Variants in MTCL2 observed in about 807,000 individuals in gnomAD.
MTCL2 encodes the protein microtubule cross-linking factor 2.
At chr20:36,851,030 C>A in the MTCL2 span, among the ~76,000 whole-genome samples, 34 of 152,068 alleles carry the variant, frequency 2.2e-4, no homozygotes, top group Non-Finnish European at 7.3e-5. Context: ...AGAAAACAGT[C>A]CCGGTGGTTG....
the MTCL2 span, chr20:36,862,805 C>G: frequency 1.4e-6 from 2 of 1,400,520 alleles, no homozygotes; most frequent in Non-Finnish European, 1.9e-6. Context: ...ACGCGGCCAC[C>G]GACGGCTCGT....
At chr20:36,808,530 C>A in the MTCL2 span, 1 of 1,599,372 alleles carries the variant, frequency 6.3e-7, no homozygotes, top group Non-Finnish European at 8.5e-7. Context: ...AAGTCATCCC[C>A]TTCGCTGGGC....
chr20:36,802,951 A>G, the MTCL2 span: 2 of 1,580,094 alleles, frequency 1.3e-6, no homozygotes, highest in Non-Finnish European at 1.7e-6. Flanking sequence ...TCCTGGCTCC[A>G]GTTGCGCTCA....
chr20:36,777,985 T>C, the MTCL2 span: 19 of 521,414 alleles, frequency 3.6e-5, no homozygotes, highest in Non-Finnish European at 6.1e-5. Flanking sequence ...TGGCCTATGG[T>C]GAGGTTCCCA....
chr20:36,837,584 ATTATTATTT>A, the MTCL2 span, among the ~76,000 whole-genome samples: 1 of 141,400 alleles, frequency 7.1e-6, no homozygotes, highest in Non-Finnish European at 1.6e-5. Flanking sequence ...TATTATTATT[ATTATTATTT>A]TTGAGACGGA....
the MTCL2 span, among the ~76,000 whole-genome samples, chr20:36,845,081 A>G: frequency 2.0e-5 from 3 of 152,168 alleles, no homozygotes; most frequent in African/African-American, 7.2e-5. Flanking sequence ...TAATTACAAT[A>G]CCTGAATTAC....
chr20:36,828,986 T>G, the MTCL2 span: 2 of 1,444,240 alleles, frequency 1.4e-6, no homozygotes, highest in South Asian at 2.8e-5. Flanking sequence ...ACAGAGACAC[T>G]GGCTTGGGGG....
chr20:36,843,100 A>G, the MTCL2 span, among the ~76,000 whole-genome samples: 4 of 151,866 alleles, frequency 2.6e-5, no homozygotes, highest in Non-Finnish European at 5.9e-5. Flanking sequence ...CTGTCCGAGC[A>G]CCCCTCACCA....
the MTCL2 span, among the ~76,000 whole-genome samples, chr20:36,820,371 CA>C: frequency 1.3e-5 from 2 of 152,108 alleles, no homozygotes; most frequent in African/African-American, 2.4e-5. Flanking sequence ...TAAAGCCATT[CA>C]AAGTACTAAG....
the MTCL2 span, among the ~76,000 whole-genome samples, chr20:36,810,683 A>AACCTTC: frequency 1.6e-5 from 2 of 128,680 alleles, no homozygotes; most frequent in African/African-American, 2.9e-5. Context: ...TCTGACCTCC[A>AACCTTC]ACCTTCACCC....
At chr20:36,810,202 G>A in the MTCL2 span, 10 of 1,439,576 alleles carry the variant, frequency 6.9e-6, 1 homozygote, top group Middle Eastern at 1.9e-4. Context: ...GTAGGGGAAC[G>A]ATGGGATGTT....
the MTCL2 span, among the ~76,000 whole-genome samples, chr20:36,851,568 C>T: frequency 6.6e-6 from 1 of 152,234 alleles, no homozygotes; most frequent in Non-Finnish European, 1.5e-5. Flanking sequence ...TGCCCCCCAT[C>T]TCTGCCCTGC....
the MTCL2 span, among the ~76,000 whole-genome samples, chr20:36,861,788 G>T: frequency 6.6e-6 from 1 of 152,140 alleles, no homozygotes; most frequent in African/African-American, 2.4e-5. Flanking sequence ...ACCTGGAAGC[G>T]TGCAGATGGA....
chr20:36,839,757 A>C, the MTCL2 span, among the ~76,000 whole-genome samples: 1 of 152,208 alleles, frequency 6.6e-6, no homozygotes, highest in South Asian at 2.1e-4. The surrounding 1 kb of genome is among the most constrained non-coding windows in gnomAD (Gnocchi z 5.1). Context: ...TCTCAAGGCA[A>C]GGAAAAGGTT....
At chr20:36,840,625 G>A in the MTCL2 span, among the ~76,000 whole-genome samples, 83 of 151,674 alleles carry the variant, frequency 5.5e-4, no homozygotes, top group Non-Finnish European at 6.8e-4. Context: ...TGAGATGGGC[G>A]GATCACGAGG....
chr20:36,843,096 G>A, the MTCL2 span, among the ~76,000 whole-genome samples: 2,963 of 152,290 alleles, frequency 0.019, 86 homozygotes, highest in African/African-American at 0.067. Context: ...GCTTCTGTCC[G>A]AGCACCCCTC....
chr20:36,829,077 T>C, the MTCL2 span: 4 of 1,554,826 alleles, frequency 2.6e-6, no homozygotes, highest in Admixed American at 3.9e-5. Flanking sequence ...TCCAGCTCCG[T>C]CTGCAGCACC....
the MTCL2 span, chr20:36,809,872 C>G: frequency 2.9e-6 from 4 of 1,367,918 alleles, no homozygotes; most frequent in Non-Finnish European, 4.0e-6. Flanking sequence ...CCACACCCAG[C>G]CTCCCCTGAC....
chr20:36,803,086 C>A, the MTCL2 span: 1 of 1,607,870 alleles, frequency 6.2e-7, no homozygotes, highest in Non-Finnish European at 8.5e-7. Context: ...TCCCCGGCCC[C>A]CTTCCCTGTC....
Sources: gnomAD v4.1 joint callset for allele counts (sites outside exome capture counted in the v4.1 genomes callset) on GRCh38, gnomAD v4.1.1 for gene constraint, Gnocchi (gnomAD v3.1) non-coding constraint, MANE v1.5 for transcripts, NCBI Gene and HGNC (gene_info 2026-07-23, HGNC 2026-07-21) for gene names.